The following CBR4 variants were observed in gnomAD, a reference collection of about 807,000 sequenced individuals.
The protein encoded by CBR4 is carbonyl reductase 4, also known as 3-oxoacyl-[acyl-carrier-protein] reductase.
CBR4 carries 22 observed loss-of-function variants against 21.0 expected under a neutral mutation model. The observed-to-expected ratio is 1.05, with a 90% confidence interval of 0.75 to 1.50. CBR4 has a LOEUF of 1.50. Among genes scored for constraint, CBR4 ranks in the 40% most tolerant of loss-of-function variants. The pLI is 0.00. For missense variants in CBR4, 302 were observed against 286.3 expected (o/e 1.05, Z -0.40); for synonymous variants, 100 against 104.4 (o/e 0.96, Z 0.26).
At chr4:168,977,777 C>T (rs1183275820) in intron 2 of CBR4, among the ~76,000 whole-genome samples, 3 of 152,162 alleles carry the variant, frequency 2.0e-5, no homozygotes, top group African/African-American at 4.8e-5. Flanking sequence ...TTGCGAATGG[C>T]GCCACCACTC....
intron 4 of CBR4, chr4:169,001,701 A>G (rs532475688): frequency 9.5e-4 from 147 of 154,196 alleles, no homozygotes; most frequent in Non-Finnish European, 1.5e-3. Flanking sequence ...TGCTATCCCC[A>G]TATGACTTGG....
At chr4:168,950,640 T>C (rs1763514735) in intron 2 of CBR4, among the ~76,000 whole-genome samples, 1 of 152,244 alleles carries the variant, frequency 6.6e-6, no homozygotes, top group Non-Finnish European at 1.5e-5. Flanking sequence ...ATCCGTTCTT[T>C]GTTGACTTTC....
chr4:168,997,427 T>C (rs1267321546), intron 4 of CBR4, among the ~76,000 whole-genome samples: 1 of 152,142 alleles, frequency 6.6e-6, no homozygotes, highest in African/African-American at 2.4e-5. Flanking sequence ...AATGAGGATT[T>C]ATATTTGATA....
At position 169,007,751 on chromosome 4, in the gene CBR4, G is replaced by C. The variant is rs547554100; in HGVS notation, c.148C>G (p.His50Asp). 12 of 1,574,806 alleles carry C rather than the reference G, an allele frequency of 7.6e-6. No individual in the cohort carries two copies. Among genetic ancestry groups the C allele is most frequent in the Non-Finnish European group, 1.0e-5 (12 of 1,164,012 alleles). Residue 50 changes from histidine to aspartate, a missense_variant, in exon 2 of 5, where the codon CAT (histidine) becomes GAT (aspartate). His to Asp is a moderately conservative substitution (Grantham distance 81). Transcript: ENST00000306193. ...KAAAGDLGGD[H>D]LAFSCDVAKE... ...GCAACATCACAGCTAAATGCCAAAT[G>C]ATCTCCTACACAACAAAGTTAAATA... is the stretch of plus-strand genomic sequence containing the variant.
chr4:169,006,946 G>A (rs1427046844), intron 2 of CBR4, 55 bp from the exon 3 acceptor site: 1 of 1,407,778 alleles, frequency 7.1e-7, no homozygotes, highest in Non-Finnish European at 1.0e-6. Flanking sequence ...AAACCAAAAA[G>A]GTCAAGACTA....
At chr4:168,935,823 C>T (rs914320312) in intron 2 of CBR4, among the ~76,000 whole-genome samples, 6 of 152,158 alleles carry the variant, frequency 3.9e-5, no homozygotes, top group South Asian at 2.1e-4. Flanking sequence ...GAAGGGGTGG[C>T]GGTGGGTGCA....
At chr4:168,987,532 C>T (rs1234754994), downstream of CBR4, 4 of 572,508 alleles carry the variant, frequency 7.0e-6, no homozygotes, top group African/African-American at 8.2e-5. Context: ...AATTGAAAGA[C>T]AAATTTTTAA....
chr4:169,006,975 G>C, intron 2 of CBR4, 84 bp from the exon 3 acceptor site: 1 of 1,091,356 alleles, frequency 9.2e-7, no homozygotes, highest in Non-Finnish European at 1.4e-6. Context: ...TTTTTACTGA[G>C]AGTGCAAGAA....
chr4:168,989,180 GAATCATAATCACT>G lies in CBR4; in HGVS notation c.*957_*969del. On this transcript the variant is annotated 3_prime_UTR_variant, in exon 5 of 5. Coordinates refer to ENST00000306193, the MANE Select transcript of CBR4 (RefSeq NM_032783.5). ...ATTACTTTCTAGAATTTTGGGATAA[GAATCATAATCACT>G]AATGCAAAATACTCTTAATTTTTTA... is the stretch of plus-strand genomic sequence containing the variant. 5 of 967,142 alleles carry G rather than the reference GAATCATAATCACT, an allele frequency of 5.2e-6. No homozygotes were observed. The South Asian group carries it at 1.9e-4, about 37-fold the overall frequency. The allele number at this position is 967,142 out of a possible 1,614,324, so 59.9% of individuals were successfully genotyped here. A position where few individuals can be genotyped will look rare whatever the true frequency, so the allele number is the denominator to read the frequency against.
At chr4:168,940,259 C>G in intron 2 of CBR4, among the ~76,000 whole-genome samples, 1 of 152,096 alleles carries the variant, frequency 6.6e-6, no homozygotes, top group South Asian at 2.1e-4. Flanking sequence ...GAAACTGAAC[C>G]CCTTCCTTAC....
At chr4:169,006,531 T>C (rs748549634) in intron 3 of CBR4, among the ~76,000 whole-genome samples, 11 of 152,218 alleles carry the variant, frequency 7.2e-5, no homozygotes, top group African/African-American at 2.4e-4. Context: ...TACTGTCATT[T>C]TTCTAGTACT....
chr4:169,005,423 A>AT, intron 3 of CBR4: 1 of 155,706 alleles, frequency 6.4e-6, no homozygotes, highest in South Asian at 1.9e-4. Flanking sequence ...AAAAGTGGTA[A>AT]TTTCTGAAAT....
chr4:169,001,938 T>C, intron 4 of CBR4, 133 bp downstream of exon 4: 2 of 922,384 alleles, frequency 2.2e-6, no homozygotes, highest in Middle Eastern at 3.8e-4. Flanking sequence ...AGTCCCCCAG[T>C]TCATTATTTG....
At chr4:168,985,359 A>G (rs1201744066), downstream of CBR4, among the ~76,000 whole-genome samples, 3 of 152,200 alleles carry the variant, frequency 2.0e-5, no homozygotes, top group Non-Finnish European at 4.4e-5. Context: ...CACGCCACTC[A>G]GATTGGCTAT....
chr4:168,897,635 A>G (rs1191453043), intron 2 of CBR4, among the ~76,000 whole-genome samples: 1 of 152,054 alleles, frequency 6.6e-6, no homozygotes, highest in African/African-American at 2.4e-5. Context: ...AATTTTTTGT[A>G]GAGATGGGGT....
intron 3 of CBR4, 74 bp from the exon 4 acceptor site, chr4:169,002,279 T>C (rs1466804770): frequency 3.9e-6 from 5 of 1,291,300 alleles, no homozygotes; most frequent in Non-Finnish European, 4.0e-6. Context: ...AAAATTTAGA[T>C]AATTTATAGT....
intron 2 of CBR4, among the ~76,000 whole-genome samples, chr4:168,979,272 C>T (rs1764468741): frequency 6.6e-6 from 1 of 152,018 alleles, no homozygotes; most frequent in Non-Finnish European, 1.5e-5. Context: ...GGCAGGCCCG[C>T]CATTTTTTGC....
intron 1 of CBR4, among the ~76,000 whole-genome samples, chr4:169,008,427 T>A (rs148829494): frequency 4.6e-4 from 70 of 152,348 alleles, no homozygotes; most frequent in Non-Finnish European, 7.9e-4. Context: ...ATTCCCTATG[T>A]AATCTACCAT....
At chr4:168,991,544 C>G (rs1764923673) in intron 4 of CBR4, among the ~76,000 whole-genome samples, 1 of 152,036 alleles carries the variant, frequency 6.6e-6, no homozygotes, top group Non-Finnish European at 1.5e-5. Flanking sequence ...TTCAGTAAAG[C>G]CTGCCAAGAA....
Sources: allele counts gnomAD v4.1 joint callset (sites outside exome capture counted in the v4.1 genomes callset), GRCh38; gene constraint gnomAD v4.1.1; transcripts MANE v1.5; gene names NCBI Gene and HGNC (gene_info 2026-07-23, HGNC 2026-07-21).